NUDT19: variants seen among roughly 807,000 people sequenced by gnomAD.
NUDT19 encodes the protein acyl-coenzyme A diphosphatase NUDT19.
Under a neutral mutation model 22.2 loss-of-function variants are expected in NUDT19, and 31 were observed. That is an observed-to-expected ratio of 1.40 (90% confidence interval 1.05 to 1.89). The LOEUF is 1.89. Ranked by LOEUF, NUDT19 falls within the 40% of genes most tolerant of loss-of-function variation. NUDT19 has a pLI of 0.00. For missense variants in NUDT19, 752 were observed against 514.2 expected (o/e 1.46, Z -4.47); for synonymous variants, 325 against 230.8 (o/e 1.41, Z -3.70).
chr19:32,700,125 G>A (rs765325211), intron 1 of NUDT19, among the ~76,000 whole-genome samples: 1 of 152,248 alleles, frequency 6.6e-6, no homozygotes, highest in Non-Finnish European at 1.5e-5. Flanking sequence ...CCACAGCATG[G>A]AAAGGGACCC....
intron 1 of NUDT19, among the ~76,000 whole-genome samples, chr19:32,699,997 G>A (rs186544023): frequency 3.9e-5 from 6 of 152,090 alleles, no homozygotes; most frequent in African/African-American, 1.2e-4. Flanking sequence ...TCCTGGTCTC[G>A]CTGGCTTGGA....
In NUDT19 at chr19:32,692,974, A is replaced by G. The variant is rs1250490917; in HGVS notation, c.714+300A>G. Among the ~76,000 whole-genome samples the G allele has an allele frequency of 5.3e-5, 8 of 152,202 alleles. No individual in the cohort carries two copies. The East Asian group carries it at 1.5e-3, about 29-fold the overall frequency. ...ACATGTGTAGACATAGTACATCTCC[A>G]CAGCCGTTTAATTTGGTTTTCTTGG... On this transcript the variant is annotated intron_variant, in intron 1 of 2. Coordinates refer to ENST00000397061, the MANE Select transcript of NUDT19 (RefSeq NM_001105570.2).
chr19:32,705,446 AAG>A (rs764186020), intron 1 of NUDT19, among the ~76,000 whole-genome samples: 2 of 151,922 alleles, frequency 1.3e-5, no homozygotes, highest in Non-Finnish European at 2.9e-5. Flanking sequence ...GAAAAACAAA[AAG>A]AGAGTATTGG....
chr19:32,708,721 A>G (rs1968414408), intron 1 of NUDT19, among the ~76,000 whole-genome samples: 1 of 152,204 alleles, frequency 6.6e-6, no homozygotes, highest in African/African-American at 2.4e-5. Context: ...TGGTTGCTGA[A>G]GTCCCCATAG....
intron 1 of NUDT19, among the ~76,000 whole-genome samples, chr19:32,697,575 G>A (rs193017859): frequency 6.6e-6 from 1 of 152,160 alleles, no homozygotes; most frequent in African/African-American, 2.4e-5. Context: ...TCTGAGTCGA[G>A]GTCCCAGTGG....
intron 1 of NUDT19, among the ~76,000 whole-genome samples, chr19:32,708,216 A>C (rs1444257270): frequency 6.6e-6 from 1 of 151,154 alleles, no homozygotes; most frequent in Non-Finnish European, 1.5e-5. Flanking sequence ...TCATGGGGTC[A>C]GGAGATCGAG....
At chr19:32,693,442 C>T (rs528404603) in intron 1 of NUDT19, among the ~76,000 whole-genome samples, 7 of 152,270 alleles carry the variant, frequency 4.6e-5, no homozygotes, top group Non-Finnish European at 7.4e-5. Context: ...AAAGGTAGTG[C>T]GGACCCAAGG....
intron 1 of NUDT19, among the ~76,000 whole-genome samples, chr19:32,694,753 T>C (rs1029119745): frequency 6.6e-6 from 1 of 152,244 alleles, no homozygotes; most frequent in African/African-American, 2.4e-5. Context: ...CCTCGTTCAG[T>C]CCATATTCAC....
intron 1 of NUDT19, among the ~76,000 whole-genome samples, chr19:32,699,885 C>T (rs961877226): frequency 4.6e-5 from 7 of 152,072 alleles, no homozygotes; most frequent in African/African-American, 1.7e-4. Flanking sequence ...TCGTTGGGTT[C>T]GTGGTCTCAC....
chr19:32,703,126 C>T (rs1968352518), intron 1 of NUDT19, among the ~76,000 whole-genome samples: 1 of 152,114 alleles, frequency 6.6e-6, no homozygotes, highest in Non-Finnish European at 1.5e-5. Flanking sequence ...CTCAGCTTCC[C>T]CAGTAGCTGG....
chr19:32,703,158 C>T (rs561604359), intron 1 of NUDT19, among the ~76,000 whole-genome samples: 12 of 151,916 alleles, frequency 7.9e-5, no homozygotes, highest in African/African-American at 1.4e-4. Flanking sequence ...TACGCCACCA[C>T]GCCCAGCTGA....
Position 32,709,165 on chromosome 19 carries a change from C to T in NUDT19, c.715-20C>T. 6.4e-7 allele frequency: 1 copy of T among 1,574,600 alleles called. No individual in the cohort carries two copies. Among genetic ancestry groups the T allele is most frequent in the Non-Finnish European group, 8.7e-7 (1 of 1,145,704 alleles). On this transcript the variant is annotated intron_variant, in intron 1 of 2. Transcript: ENST00000397061. ...GTCTATGGCATAAACCTTAAGAAAC[C>T]CTGCCTTTGTCTTTCACAGTGGTCA...
chr19:32,692,443 G>T lies in NUDT19; in HGVS notation c.483G>T (p.Pro161=), dbSNP rs1568430889. 6.5e-7 allele frequency: 1 copy of T among 1,544,884 alleles called. No individual in the cohort carries two copies. The highest frequency in any genetic ancestry group is 8.7e-7 in the Non-Finnish European group (1 of 1,151,114). ...GGCCTGGCCTCGCCCTGGAGCCACC[G>T]CCGGGCCTGGCCTCCTGGCGCGACC... ...APGPGLALEP[P]PGLASWRDRV... The change falls in exon 1 of 3, where the codon CCG becomes CCT. Residue 161 remains proline, a synonymous_variant. Transcript: ENST00000397061.
At chr19:32,711,482 A>G (rs967995102) in intron 2 of NUDT19, among the ~76,000 whole-genome samples, 1 of 152,152 alleles carries the variant, frequency 6.6e-6, no homozygotes, top group Non-Finnish European at 1.5e-5. Context: ...ATAAAAAAAC[A>G]CAATAAAGAA....
At chr19:32,703,151 G>A (rs370413134) in intron 1 of NUDT19, among the ~76,000 whole-genome samples, 3 of 151,230 alleles carry the variant, frequency 2.0e-5, no homozygotes, top group East Asian at 2.0e-4. Flanking sequence ...GTAGGCATAC[G>A]CCACCACGCC....
intron 1 of NUDT19, among the ~76,000 whole-genome samples, chr19:32,703,437 C>T (rs964846354): frequency 2.0e-5 from 3 of 152,112 alleles, no homozygotes; most frequent in Non-Finnish European, 4.4e-5. Context: ...CAGCCTCTGC[C>T]TTCTGGGTTC....
intron 1 of NUDT19, among the ~76,000 whole-genome samples, chr19:32,708,825 A>C (rs1444780808): frequency 6.6e-6 from 1 of 152,198 alleles, no homozygotes; most frequent in Non-Finnish European, 1.5e-5. Context: ...CAAATTCTCC[A>C]TCTACTGTGA....
intron 1 of NUDT19, among the ~76,000 whole-genome samples, chr19:32,693,025 T>TGGA (rs1968219517): frequency 6.6e-6 from 1 of 152,210 alleles, no homozygotes; most frequent in Non-Finnish European, 1.5e-5. Context: ...TGATCCAGTC[T>TGGA]TCCTATTTTT....
chr19:32,692,143 C>G lies in NUDT19; in HGVS notation c.183C>G (p.Val61=). Residue 61 remains valine, a synonymous_variant, in exon 1 of 3, where the codon GTC becomes GTG. Transcript: ENST00000397061. ...AAGGCTTCATGCCGGGCGCGCACGT[C>G]TTCTCCGGCGGAGTGCTGGATGCGG... ...PHQGFMPGAH[V]FSGGVLDAAD... is the part of the protein sequence containing the mutation. The G allele has an allele frequency of 6.7e-7, 1 of 1,495,706 alleles. No homozygotes were observed. The highest frequency in any genetic ancestry group is 8.8e-7 in the Non-Finnish European group (1 of 1,132,032). The allele number at this position is 1,495,706 out of a possible 1,614,324, so 92.7% of individuals were successfully genotyped here.
Sources: allele counts gnomAD v4.1 joint callset (sites outside exome capture counted in the v4.1 genomes callset), GRCh38; gene constraint gnomAD v4.1.1; transcripts MANE v1.5; gene names NCBI Gene and HGNC (gene_info 2026-07-23, HGNC 2026-07-21).